Variants in LYSET observed in about 807,000 individuals in gnomAD.
LYSET encodes the protein lysosomal enzyme trafficking factor.
chr14:93,186,717 A>G, the LYSET span: 2 of 1,531,484 alleles, frequency 1.3e-6, no homozygotes, highest in South Asian at 1.3e-5. Context: ...TGCCAGTCCT[A>G]TATGGAGTCT....
At chr14:93,185,296 G>C in the LYSET span, 2 of 1,027,708 alleles carry the variant, frequency 1.9e-6, no homozygotes, top group Non-Finnish European at 2.9e-6. Flanking sequence ...GTGACCCGCC[G>C]CAGTCACGCC....
At chr14:93,186,536 C>T in the LYSET span, 1 of 1,614,242 alleles carries the variant, frequency 6.2e-7, no homozygotes, top group Non-Finnish European at 8.5e-7. Context: ...TGTTCCTATA[C>T]TCTTGTACAA....
At chr14:93,186,527 G>A in the LYSET span, 3 of 1,614,050 alleles carry the variant, frequency 1.9e-6, no homozygotes, top group Non-Finnish European at 2.5e-6. Flanking sequence ...AGATGTTTTT[G>A]TTCCTATACT....
the LYSET span, chr14:93,185,456 C>T: frequency 1.2e-6 from 2 of 1,613,368 alleles, no homozygotes; most frequent in Non-Finnish European, 1.7e-6. Flanking sequence ...TAACGCTTGC[C>T]GTGGGAACAG....
the LYSET span, chr14:93,186,216 C>T: frequency 6.5e-7 from 1 of 1,538,516 alleles, no homozygotes; most frequent in South Asian, 1.2e-5. Flanking sequence ...GTTGCCGTGA[C>T]AGCATTACTA....
chr14:93,186,200 G>T, the LYSET span: 1 of 1,469,746 alleles, frequency 6.8e-7, no homozygotes, highest in Non-Finnish European at 9.3e-7. Context: ...AAGTACATTT[G>T]GAGTAGTTGC....
chr14:93,186,515 A>T, the LYSET span: 1 of 1,614,200 alleles, frequency 6.2e-7, no homozygotes, highest in Non-Finnish European at 8.5e-7. Context: ...TACCTTACTT[A>T]CAGATGTTTT....
chr14:93,184,978 C>A, the LYSET span: 1 of 157,514 alleles, frequency 6.3e-6, no homozygotes, highest in South Asian at 1.7e-4. The surrounding 1 kb of genome is among the most constrained non-coding windows in gnomAD (Gnocchi z 4.2). Context: ...GCCGGAAGCT[C>A]CGACTGCGGC....
At chr14:93,185,210 G>A in the LYSET span, 6 of 314,224 alleles carry the variant, frequency 1.9e-5, no homozygotes, top group Non-Finnish European at 2.9e-5. Context: ...GGAGGCCCAA[G>A]TGGCGGGGAC....
the LYSET span, among the ~76,000 whole-genome samples, chr14:93,185,636 G>A: frequency 6.6e-6 from 1 of 152,158 alleles, no homozygotes; most frequent in African/African-American, 2.4e-5. Flanking sequence ...GTTTCTGGAG[G>A]GCGGGTATTA....
chr14:93,185,699 AAGC>A, the LYSET span, among the ~76,000 whole-genome samples: 1 of 152,112 alleles, frequency 6.6e-6, no homozygotes, highest in Non-Finnish European at 1.5e-5. Context: ...TCCCGTTAAA[AAGC>A]AGAACTCAGT....
At chr14:93,186,578 C>T in the LYSET span, 1 of 1,614,230 alleles carries the variant, frequency 6.2e-7, no homozygotes, top group Non-Finnish European at 8.5e-7. Context: ...GCTACTGTAT[C>T]ATCCCTATAT....
At chr14:93,186,142 T>G in the LYSET span, 2 of 962,340 alleles carry the variant, frequency 2.1e-6, no homozygotes. Context: ...GTGCTGGGAT[T>G]ACAGGCGCGA....
the LYSET span, chr14:93,185,344 G>T: frequency 6.6e-7 from 1 of 1,524,776 alleles, no homozygotes; most frequent in Non-Finnish European, 9.1e-7. Context: ...CAGGCTGGCG[G>T]CGCTCACCTT....
the LYSET span, chr14:93,185,556 A>G: frequency 7.8e-7 from 1 of 1,282,836 alleles, no homozygotes; most frequent in Non-Finnish European, 1.1e-6. Flanking sequence ...CGTCTGAAGC[A>G]GTACTGTTAT....
the LYSET span, chr14:93,186,476 T>G: frequency 1.2e-6 from 2 of 1,614,198 alleles, no homozygotes; most frequent in Non-Finnish European, 1.7e-6. Flanking sequence ...TCTCCTTGCC[T>G]TTTTGGGTGT....
chr14:93,186,192 G>A, the LYSET span: 3 of 1,452,724 alleles, frequency 2.1e-6, no homozygotes, highest in South Asian at 1.3e-5. Flanking sequence ...GATAAAGCAA[G>A]TACATTTGGA....
the LYSET span, chr14:93,186,404 A>G: frequency 4.3e-6 from 7 of 1,614,220 alleles, no homozygotes; most frequent in African/African-American, 2.7e-5. Context: ...AACACATTCA[A>G]CAGCACCCTG....
chr14:93,185,520 GC>G, the LYSET span: 2 of 1,576,922 alleles, frequency 1.3e-6, no homozygotes, highest in Admixed American at 1.7e-5. Context: ...TAACTTGGGG[GC>G]TTGACTTGTA....
Sources: allele counts gnomAD v4.1 joint callset (sites outside exome capture counted in the v4.1 genomes callset), GRCh38; gene constraint gnomAD v4.1.1; non-coding constraint Gnocchi (gnomAD v3.1); transcripts MANE v1.5; gene names NCBI Gene and HGNC (gene_info 2026-07-23, HGNC 2026-07-21).